The following TDRP variants were observed in gnomAD, a reference collection of about 807,000 sequenced individuals.
TDRP encodes the protein testis development-related protein.
In TDRP, 12 loss-of-function variants were observed where a neutral mutation model predicts 10.5. The ratio of observed to expected loss-of-function variants is 1.15; its 90% CI spans 0.73 to 1.86. The LOEUF is 1.86. TDRP is among the 40% of genes most tolerant of loss of function. TDRP has a pLI of 0.00. For synonymous variants in TDRP, 139 were observed against 95.4 expected, an observed-to-expected ratio of 1.46 and a Z score of -2.67; for missense variants, 353 against 229.2, an observed-to-expected ratio of 1.54 and a Z score of -3.49.
intron 1 of TDRP, among the ~76,000 whole-genome samples, chr8:537,877 T>C (rs1030811882): frequency 3.9e-5 from 6 of 152,214 alleles, no homozygotes; most frequent in African/African-American, 1.4e-4. Flanking sequence ...CTTGGTTATA[T>C]AAAAGAGTAA....
chr8:509,351 C>T (rs1042779115), intron 1 of TDRP, among the ~76,000 whole-genome samples: 2 of 152,172 alleles, frequency 1.3e-5, no homozygotes, highest in African/African-American at 4.8e-5. Context: ...GAGTGCTCTG[C>T]CCCTGCAGCA....
intron 1 of TDRP, among the ~76,000 whole-genome samples, chr8:542,193 A>G (rs543000293): frequency 6.6e-6 from 1 of 152,140 alleles, no homozygotes; most frequent in African/African-American, 2.4e-5. Context: ...CAACCAAATG[A>G]CATTCTGGAA....
chr8:506,907 C>T (rs1366420944), intron 1 of TDRP, among the ~76,000 whole-genome samples: 3 of 152,102 alleles, frequency 2.0e-5, no homozygotes, highest in Non-Finnish European at 4.4e-5. Context: ...TGGTGAAGTG[C>T]AATGGGGAGG....
At chr8:536,674 C>G (rs1802354797) in intron 1 of TDRP, among the ~76,000 whole-genome samples, 3 of 152,116 alleles carry the variant, frequency 2.0e-5, no homozygotes, top group Non-Finnish European at 2.9e-5. Flanking sequence ...ATGTAATATG[C>G]TGAATATATC....
chr8:540,938 C>G (rs1416364532), intron 1 of TDRP, among the ~76,000 whole-genome samples: 1 of 152,016 alleles, frequency 6.6e-6, no homozygotes, highest in Non-Finnish European at 1.5e-5. Context: ...TAACATCACA[C>G]TGACTGACAG....
intron 1 of TDRP, among the ~76,000 whole-genome samples, chr8:537,308 G>C (rs1314860745): frequency 6.6e-6 from 1 of 152,178 alleles, no homozygotes; most frequent in African/African-American, 2.4e-5. Flanking sequence ...AGAAGTGCCT[G>C]AATGCAGCTG....
At chr8:497,661 A>G (rs963585353) in intron 1 of TDRP, among the ~76,000 whole-genome samples, 1 of 152,218 alleles carries the variant, frequency 6.6e-6, no homozygotes, top group African/African-American at 2.4e-5. Context: ...TGCATAAGTA[A>G]AGAAGAGCCA....
chr8:495,157 C>T (rs115326306), intron 1 of TDRP: 1 of 153,610 alleles, frequency 6.5e-6, no homozygotes, highest in African/African-American at 2.4e-5. Context: ...CACTTGAGAC[C>T]CAGGAGGTCA....
At chr8:541,364 T>C (rs952221123) in intron 1 of TDRP, among the ~76,000 whole-genome samples, 1 of 152,234 alleles carries the variant, frequency 6.6e-6, no homozygotes, top group Non-Finnish European at 1.5e-5. Flanking sequence ...GTGATGGCTT[T>C]TTCAATATAA....
At chr8:521,416 C>CA (rs1563126763) in intron 1 of TDRP, among the ~76,000 whole-genome samples, 3 of 151,930 alleles carry the variant, frequency 2.0e-5, no homozygotes, top group South Asian at 4.2e-4. Flanking sequence ...GATGCCGTCC[C>CA]AAAAAACAAA....
chr8:506,580 C>T (rs2116760878), intron 1 of TDRP, among the ~76,000 whole-genome samples: 1 of 152,322 alleles, frequency 6.6e-6, no homozygotes. Flanking sequence ...CCCTGATCAC[C>T]CTTCCTGGGC....
At chr8:518,267 T>C (rs916371511) in intron 1 of TDRP, among the ~76,000 whole-genome samples, 1 of 152,172 alleles carries the variant, frequency 6.6e-6, no homozygotes, top group African/African-American at 2.4e-5. Flanking sequence ...TCAATTTTGC[T>C]GTGAACTTGA....
chr8:543,438 T>A (rs879486593), intron 1 of TDRP, among the ~76,000 whole-genome samples: 9 of 152,174 alleles, frequency 5.9e-5, no homozygotes, highest in Non-Finnish European at 1.0e-4. Context: ...ATATGGCTCA[T>A]CTTTGACCAA....
intron 1 of TDRP, among the ~76,000 whole-genome samples, chr8:541,376 A>C (rs1802492186): frequency 6.6e-6 from 1 of 152,238 alleles, no homozygotes; most frequent in Non-Finnish European, 1.5e-5. Flanking sequence ...TCAATATAAT[A>C]CCAAAGGCAC....
chr8:542,795 T>G (rs1299716854), intron 1 of TDRP, among the ~76,000 whole-genome samples: 1 of 136,958 alleles, frequency 7.3e-6, no homozygotes, highest in Admixed American at 7.9e-5. Flanking sequence ...CCCGGGAGGG[T>G]GCAGTGAGCT....
chr8:512,518 G>C (rs1563122768), intron 1 of TDRP, among the ~76,000 whole-genome samples: 1 of 151,842 alleles, frequency 6.6e-6, no homozygotes, highest in Non-Finnish European at 1.5e-5. Flanking sequence ...AATCAGAAAT[G>C]AAAGAGGAGA....
intron 1 of TDRP, among the ~76,000 whole-genome samples, chr8:532,644 T>C (rs765471308): frequency 1.3e-5 from 2 of 152,252 alleles, no homozygotes; most frequent in South Asian, 2.1e-4. Flanking sequence ...GTCAGCTTCA[T>C]GACTATGCTA....
rs183191157 is a variant in TDRP at position 501,201 on chromosome 8, A to G, written c.109-6604T>C. Among the ~76,000 whole-genome samples, 384 of 151,800 alleles carry G rather than the reference A, an allele frequency of 2.5e-3. 4 individuals carry two copies. Among genetic ancestry groups the G allele is most frequent in the African/African-American group, 8.7e-3 (362 of 41,458 alleles). On this transcript the variant is annotated intron_variant, in intron 1 of 2. Coordinates refer to ENST00000324079, the MANE Select transcript of TDRP (RefSeq NM_001384899.1). ...AGCCTGGGCGACAGAGTGAGACTCC[A>G]TCTCAAAAAAACAAACAAACAAAAA...
At chr8:515,344 AGTG>A (rs1801729740) in intron 1 of TDRP, among the ~76,000 whole-genome samples, 1 of 152,230 alleles carries the variant, frequency 6.6e-6, no homozygotes, top group Non-Finnish European at 1.5e-5. Context: ...ATGCATGTAA[AGTG>A]TTGTCTATAT....
Sources: allele counts gnomAD v4.1 joint callset (sites outside exome capture counted in the v4.1 genomes callset), GRCh38; gene constraint gnomAD v4.1.1; transcripts MANE v1.5; gene names NCBI Gene and HGNC (gene_info 2026-07-23, HGNC 2026-07-21).